The following KALRN variants were observed in gnomAD, a reference collection of about 807,000 sequenced individuals.
KALRN encodes kalirin RhoGEF kinase, also known as kalirin.
In KALRN, 70 loss-of-function variants were observed where a neutral mutation model predicts 353.7. The observed-to-expected ratio is 0.20, with a 90% CI of 0.16 to 0.24. The LOEUF is 0.24. Ranked by LOEUF, KALRN falls within the 10% of genes least tolerant of loss-of-function variation. KALRN has a pLI of 1.00. For missense variants in KALRN, 2,791 were observed against 3,756.7 expected, an observed-to-expected ratio of 0.74 and a Z score of 6.72; for synonymous variants, 1,391 against 1,434.8, an observed-to-expected ratio of 0.97 and a Z score of 0.69.
intron 38 of KALRN, among the ~76,000 whole-genome samples, chr3:124,653,261 A>G (rs1501184): frequency 0.013 from 1,976 of 152,304 alleles, 44 homozygotes; most frequent in African/African-American, 0.045. Context: ...AGCTCTGTGG[A>G]GAAAAGATGA....
chr3:124,110,997 T>C (rs1012829386), intron 1 of KALRN, among the ~76,000 whole-genome samples: 2 of 152,244 alleles, frequency 1.3e-5, no homozygotes, highest in Non-Finnish European at 2.9e-5. Flanking sequence ...AAAGCTTTTT[T>C]TGTGTGTTTT....
chr3:124,568,801 G>C (rs1017992898), intron 34 of KALRN, among the ~76,000 whole-genome samples: 3 of 152,158 alleles, frequency 2.0e-5, no homozygotes, highest in Non-Finnish European at 2.9e-5. Context: ...CAACTTTTTA[G>C]ATGTAGAAAG....
At chr3:124,217,655 G>A (rs191341076) in intron 1 of KALRN, among the ~76,000 whole-genome samples, 61 of 151,818 alleles carry the variant, frequency 4.0e-4, no homozygotes, top group Non-Finnish European at 8.8e-5. Context: ...TTCTCTTTTG[G>A]TTGGCATATC....
At chr3:124,632,322 T>TTCC in intron 34 of KALRN, 98 bp from the exon 35 acceptor site, 1 of 1,216,516 alleles carries the variant, frequency 8.2e-7, no homozygotes, top group Non-Finnish European at 1.2e-6. Context: ...ACATTCTGCC[T>TTCC]TGTGTCCTAG....
intron 33 of KALRN, chr3:124,518,886 A>T: frequency 9.8e-7 from 1 of 1,020,576 alleles, no homozygotes; most frequent in Non-Finnish European, 1.2e-6. Context: ...TCCAGGCTGA[A>T]CATTTCTATT....
chr3:124,334,295 G>A lies in KALRN; in HGVS notation c.1447G>A (p.Val483Met), dbSNP rs1345558885. The A allele has an allele frequency of 6.2e-7, 1 of 1,614,248 alleles. No homozygotes were observed. The part of the protein sequence containing the change: ...VSQDGKALLD[V>M]LQRPLSPGNS... The stretch of plus-strand genomic sequence containing the variant: ...CCAGGATGGCAAAGCACTACTTGAT[G>A]TGCTGCAGCGGCCCCTGAGCCCTGG... The change falls in exon 9 of 60, where the codon GTG becomes ATG. Residue 483 changes from valine to methionine, a missense_variant. Val to Met is a conservative substitution (Grantham distance 21, BLOSUM62 1). Around this residue, in one of 11 missense-constraint regions of KALRN, gnomAD observed 366 missense variants for 489.2 expected, o/e 0.75. Transcript: ENST00000682506. The surrounding 1 kb of genome is among the most constrained non-coding windows in gnomAD (Gnocchi z 4.2).
At chr3:124,417,187 G>T (rs2092552572) in intron 14 of KALRN, among the ~76,000 whole-genome samples, 1 of 152,214 alleles carries the variant, frequency 6.6e-6, no homozygotes, top group Admixed American at 6.5e-5. Context: ...GAAGTTGAGA[G>T]AAACATGCTG....
At chr3:124,336,742 A>C (rs368345225) in intron 9 of KALRN, among the ~76,000 whole-genome samples, 3 of 152,322 alleles carry the variant, frequency 2.0e-5, no homozygotes, top group African/African-American at 7.2e-5. Context: ...AGACCCTGTC[A>C]GTTCATCACT....
At chr3:124,416,459 T>C (rs1333867385) in intron 14 of KALRN, among the ~76,000 whole-genome samples, 1 of 152,264 alleles carries the variant, frequency 6.6e-6, no homozygotes, top group Non-Finnish European at 1.5e-5. Context: ...CAAAAGAGGT[T>C]TGGCCTCTTC....
chr3:124,071,422 C>G (rs1231909263), intron 1 of KALRN, among the ~76,000 whole-genome samples: 1 of 152,228 alleles, frequency 6.6e-6, no homozygotes, highest in Non-Finnish European at 1.5e-5. Context: ...GGCTGTCTGG[C>G]TCCAAAGCTT....
In KALRN at chr3:124,567,686, G is replaced by A. The variant is rs190806952; in HGVS notation, c.5182+4597G>A. ...GTAGCAGTGGTTTCCAACTCTGGAT[G>A]CACCTTAGAAACCACCTGGAGGAGG... is the stretch of plus-strand genomic sequence containing the variant. On this transcript the variant is annotated intron_variant, in intron 34 of 59. Transcript: ENST00000682506. Among the ~76,000 whole-genome samples the A allele has an allele frequency of 7.9e-5, 12 of 152,276 alleles. No homozygotes were observed. In the East Asian group the frequency reaches 2.3e-3, roughly 29 times the overall value.
chr3:124,485,507 C>G (rs1290843172), intron 28 of KALRN, among the ~76,000 whole-genome samples: 1 of 152,112 alleles, frequency 6.6e-6, no homozygotes, highest in Admixed American at 6.6e-5. Flanking sequence ...GAAGAATTGC[C>G]TATAGAGGTA....
intron 14 of KALRN, among the ~76,000 whole-genome samples, chr3:124,420,462 G>A (rs2092726775): frequency 6.6e-6 from 1 of 152,196 alleles, no homozygotes; most frequent in African/African-American, 2.4e-5. Flanking sequence ...GTAAAGATAA[G>A]GGTCAGGGGT....
chr3:124,234,770 C>T, intron 2 of KALRN, 59 bp from the exon 3 acceptor site: 4 of 1,322,790 alleles, frequency 3.0e-6, no homozygotes, highest in Non-Finnish European at 4.3e-6. Context: ...TCTTTTTCCT[C>T]TGTGGCTTTC....
chr3:124,093,164 C>G (rs977833046), intron 1 of KALRN, among the ~76,000 whole-genome samples: 3 of 152,114 alleles, frequency 2.0e-5, no homozygotes, highest in East Asian at 1.9e-4. Flanking sequence ...GCTCCTACCC[C>G]CTGGACGTGC....
At chr3:124,451,745 C>T (rs1010026198) in intron 21 of KALRN, among the ~76,000 whole-genome samples, 1 of 152,190 alleles carries the variant, frequency 6.6e-6, no homozygotes, top group Non-Finnish European at 1.5e-5. Context: ...ATAGTGTCAC[C>T]TCTGGAGATG....
chr3:124,321,840 A>G (rs1160272225), intron 6 of KALRN, among the ~76,000 whole-genome samples: 3 of 152,230 alleles, frequency 2.0e-5, no homozygotes, highest in Admixed American at 6.5e-5. Context: ...CTGCAGGTGC[A>G]TTGCCTTCTG....
In KALRN at chr3:124,340,985, C is replaced by T. The variant is rs75263720; in HGVS notation, c.1648-6158C>T. On this transcript the variant is annotated intron_variant, in intron 9 of 59. Coordinates refer to ENST00000682506, the MANE Select transcript of KALRN (RefSeq NM_001388419.1). ...AAAAGAAAAAGAAAAAAGAAAAGAA[C>T]ATTTTCCCTTCTCCTTGGCAGTTAG... is the stretch of plus-strand genomic sequence containing the variant. Among the ~76,000 whole-genome samples, 381 of 152,216 alleles carry T rather than the reference C, an allele frequency of 2.5e-3. 1 individual carries two copies. Among genetic ancestry groups the T allele is most frequent in the African/African-American group, 8.3e-3 (345 of 41,536 alleles).
At chr3:124,343,863 AC>A (rs2082012127) in intron 9 of KALRN, among the ~76,000 whole-genome samples, 1 of 152,096 alleles carries the variant, frequency 6.6e-6, no homozygotes, top group South Asian at 2.1e-4. Flanking sequence ...TTACTGCTAC[AC>A]CCCCACCTCC....
Sources: gnomAD v4.1 joint callset for allele counts (sites outside exome capture counted in the v4.1 genomes callset) on GRCh38, gnomAD v4.1.1 for gene constraint, gnomAD v4.1.1 regional missense constraint, Gnocchi (gnomAD v3.1) non-coding constraint, MANE v1.5 for transcripts, NCBI Gene and HGNC (gene_info 2026-07-23, HGNC 2026-07-21) for gene names.